GLB1: variants seen among roughly 807,000 people sequenced by gnomAD.
GLB1 encodes the protein galactosidase beta 1.
Under a neutral mutation model 74.0 loss-of-function variants are expected in GLB1, and 56 were observed. The observed-to-expected ratio is 0.76, with a 90% CI of 0.61 to 0.94. GLB1 has a LOEUF of 0.94. GLB1 is among the 40% of genes least tolerant of loss of function. The pLI, the probability that GLB1 is intolerant of heterozygous loss-of-function variation, is 0.00. For missense variants in GLB1, 787 were observed against 845.5 expected (o/e 0.93, Z 0.86); for synonymous variants, 323 against 323.6 (o/e 1.00, Z 0.02).
rs372983970 is a variant in GLB1, at chr3:33,030,571, G to A, written c.1069-6246C>T. 6 of 985,410 alleles carry A rather than the reference G, an allele frequency of 6.1e-6. No homozygotes were observed. The African/African-American group carries it at 8.7e-5, about 14-fold the overall frequency. 61.0% of individuals were successfully genotyped at this position (985,410 alleles called of 1,614,324 possible). A position where few individuals can be genotyped will look rare whatever the true frequency, so the allele number is the denominator to read the frequency against. On this transcript the variant is annotated intron_variant, in intron 10 of 15. Coordinates refer to ENST00000307363, the MANE Select transcript of GLB1 (RefSeq NM_000404.4). Reference sequence around the variant, plus strand: ...TGTCATTCCAGTCATAAACAGTGCAGGATGATCAATCAGCCAGTGTAGACA... The same window carrying A: ...TGTCATTCCAGTCATAAACAGTGCAAGATGATCAATCAGCCAGTGTAGACA...
At chr3:32,986,590 TTC>T in the GLB1 span, among the ~76,000 whole-genome samples, 1 of 135,184 alleles carries the variant, frequency 7.4e-6, no homozygotes, top group Non-Finnish European at 1.6e-5. Flanking sequence ...CATAGACTGT[TTC>T]TCTTTTTTTT....
intron 10 of GLB1, among the ~76,000 whole-genome samples, chr3:33,026,250 C>T (rs942579128): frequency 2.0e-5 from 3 of 152,228 alleles, no homozygotes; most frequent in Non-Finnish European, 2.9e-5. Context: ...AGCGCCACTC[C>T]GACCTCGGAG....
chr3:32,976,894 A>T, the GLB1 span, among the ~76,000 whole-genome samples: 1 of 152,226 alleles, frequency 6.6e-6, no homozygotes, highest in Non-Finnish European at 1.5e-5. Context: ...GGGATATTTA[A>T]TAGTCAATAT....
intron 9 of GLB1, 138 bp downstream of exon 9, chr3:33,051,615 AAAAAG>A (rs1698990054): frequency 2.9e-5 from 34 of 1,178,004 alleles, no homozygotes; most frequent in Non-Finnish European, 3.5e-5. Context: ...AAAAAAAAAA[AAAAAG>A]AAAAAGAAAA....
chr3:32,962,545 T>C, the GLB1 span, among the ~76,000 whole-genome samples: 2 of 152,092 alleles, frequency 1.3e-5, no homozygotes, highest in Non-Finnish European at 2.9e-5. Flanking sequence ...AATAATACTG[T>C]TGAATAATTG....
chr3:33,035,169 T>C (rs895594678), intron 10 of GLB1, among the ~76,000 whole-genome samples: 1 of 152,126 alleles, frequency 6.6e-6, no homozygotes, highest in Non-Finnish European at 1.5e-5. Context: ...CAGTTGCCCA[T>C]GCCTGTAATG....
intron 6 of GLB1, 54 bp downstream of exon 6, chr3:33,058,031 AACTG>A: frequency 6.2e-7 from 1 of 1,606,290 alleles, no homozygotes; most frequent in Non-Finnish European, 8.5e-7. Flanking sequence ...TGCCCAGAGC[AACTG>A]ACTGAGTAAA....
rs7610165 is a variant in GLB1 at position 33,083,354 on chromosome 3, G to A, written c.76-10641C>T. 8.9e-3 allele frequency among the ~76,000 whole-genome samples: 1,242 copies of A among 139,686 alleles called. 10 individuals are homozygous for A. The highest frequency in any genetic ancestry group is 0.027 in the African/African-American group (1,036 of 38,696). 91.6% of individuals were successfully genotyped at this position (139,686 alleles called of 152,430 possible). A position where few individuals can be genotyped will look rare whatever the true frequency, so the allele number is the denominator to read the frequency against. ...AGAGGTTGCAGTGAGCCAAGATCGC[G>A]CCACTGCACTCCAGCCTGGGCAACA... On this transcript the variant is annotated intron_variant, in intron 1 of 15. Transcript: ENST00000307363.
At chr3:33,062,663 C>A (rs1699489704) in intron 5 of GLB1, among the ~76,000 whole-genome samples, 1 of 152,180 alleles carries the variant, frequency 6.6e-6, no homozygotes, top group Admixed American at 6.5e-5. Flanking sequence ...TTGCCCGCAC[C>A]TGTAGTCCCA....
At chr3:33,060,064 C>T (rs1490412095) in intron 5 of GLB1, among the ~76,000 whole-genome samples, 2 of 152,206 alleles carry the variant, frequency 1.3e-5, no homozygotes, top group Non-Finnish European at 1.5e-5. Flanking sequence ...ACATCACCAA[C>T]AGCTCAATTT....
Position 33,093,959 on chromosome 3 carries a change from T to A in GLB1, c.75+3052A>T. On this transcript the variant is annotated intron_variant, in intron 1 of 15. Coordinates refer to ENST00000307363, the MANE Select transcript of GLB1 (RefSeq NM_000404.4). This position sits in a 1 kb window ranked among gnomAD's most constrained non-coding sequence, Gnocchi z 6.0. ...CCACCTTCCAAAGCTGAAAACAGGTTGACTCTGCAGCTGGGGAGTGGCAGA... is the reference window on the plus strand; with the variant it reads ...CCACCTTCCAAAGCTGAAAACAGGTAGACTCTGCAGCTGGGGAGTGGCAGA... 3 of 1,614,156 alleles carry A rather than the reference T, an allele frequency of 1.9e-6. No individual in the cohort carries two copies. Among genetic ancestry groups the A allele is most frequent in the Non-Finnish European group, 2.5e-6 (3 of 1,180,022 alleles).
chr3:32,965,387 G>T, the GLB1 span, among the ~76,000 whole-genome samples: 1 of 152,186 alleles, frequency 6.6e-6, no homozygotes, highest in African/African-American at 2.4e-5. Flanking sequence ...TGGAGCAAAG[G>T]TGACTCTTGT....
intron 10 of GLB1, among the ~76,000 whole-genome samples, chr3:33,043,989 A>G (rs78235183): frequency 0.02 from 3,114 of 152,296 alleles, 85 homozygotes; most frequent in East Asian, 0.073. Context: ...AGAGCTACAA[A>G]GGGAAATACA....
At chr3:32,983,129 T>C in the GLB1 span, among the ~76,000 whole-genome samples, 4 of 152,208 alleles carry the variant, frequency 2.6e-5, no homozygotes, top group Admixed American at 1.3e-4. Flanking sequence ...CTTGAATCTA[T>C]GGACTGGTGT....
Position 33,093,209 on chromosome 3 carries a change from G to C in GLB1, c.75+3802C>G. 5 of 1,613,888 alleles carry C rather than the reference G, an allele frequency of 3.1e-6. No individual in the cohort carries two copies. The highest frequency in any genetic ancestry group is 4.2e-6 in the Non-Finnish European group (5 of 1,179,994). On this transcript the variant is annotated intron_variant, in intron 1 of 15. Transcript: ENST00000307363. The surrounding 1 kb of genome is among the most constrained non-coding windows in gnomAD (Gnocchi z 6.0). ...CAATATCGTCCACCCCAGCCAAGCAGATCCAGTCCTCATCCTCACTCCCAC... is the reference window on the plus strand; with the variant it reads ...CAATATCGTCCACCCCAGCCAAGCACATCCAGTCCTCATCCTCACTCCCAC...
chr3:33,093,509 A>G lies in GLB1; in HGVS notation c.75+3502T>C. On this transcript the variant is annotated intron_variant, in intron 1 of 15. Transcript: ENST00000307363. The surrounding 1 kb of genome is among the most constrained non-coding windows in gnomAD (Gnocchi z 6.0). ...GTTCCAGCACATTCACCATCCTCACAAACATTTCCATCTTGGTCCTGCCCA... is the reference window on the plus strand; with the variant it reads ...GTTCCAGCACATTCACCATCCTCACGAACATTTCCATCTTGGTCCTGCCCA... 6.2e-7 allele frequency: 1 copy of G among 1,614,190 alleles called. No homozygotes were observed. Among genetic ancestry groups the G allele is most frequent in the Non-Finnish European group, 8.5e-7 (1 of 1,180,032 alleles).
In GLB1 at chr3:33,014,171, G is replaced by A; in HGVS notation, c.1619C>T (p.Ala540Val). The change falls in exon 15 of 16, where the codon GCC (alanine) becomes GTC (valine). Residue 540 changes from alanine to valine, a missense_variant. By Grantham distance (64) the Ala-to-Val change is moderately conservative. Transcript: ENST00000307363. ...GAGCGTGTAGTTGGATGAGTTGTGG[G>A]CCCAGGCTTCATCATGGTGGCCACT... The part of the protein sequence containing the change: ...RDSGHHDEAW[A>V]HNSSNYTLPA... 6.2e-7 allele frequency: 1 copy of A among 1,614,182 alleles called. No individual in the cohort carries two copies. Among genetic ancestry groups the A allele is most frequent in the Non-Finnish European group, 8.5e-7 (1 of 1,180,038 alleles).
chr3:32,992,750 G>T (rs1696246335), downstream of GLB1, among the ~76,000 whole-genome samples: 1 of 152,182 alleles, frequency 6.6e-6, no homozygotes, highest in South Asian at 2.1e-4. Flanking sequence ...CTCACACGTG[G>T]GAAAGCCCCT....
intron 1 of GLB1, among the ~76,000 whole-genome samples, chr3:33,087,607 A>G (rs1213660147): frequency 6.0e-5 from 9 of 149,244 alleles, no homozygotes; most frequent in African/African-American, 1.5e-4. Context: ...ACACACACAC[A>G]CACACACACA....
Sources: gnomAD v4.1 joint callset for allele counts (sites outside exome capture counted in the v4.1 genomes callset) on GRCh38, gnomAD v4.1.1 for gene constraint, Gnocchi (gnomAD v3.1) non-coding constraint, MANE v1.5 for transcripts, NCBI Gene and HGNC (gene_info 2026-07-23, HGNC 2026-07-21) for gene names.